MYH3: variants seen among roughly 807,000 people sequenced by gnomAD.
MYH3 encodes the protein myosin-3.
A neutral mutation model predicts 238.0 loss-of-function variants in MYH3; 130 were observed. That is an observed-to-expected ratio of 0.55 (90% CI 0.47 to 0.63). MYH3 has a LOEUF of 0.63. Among genes scored for constraint, MYH3 ranks in the 30% least tolerant of loss-of-function variants. MYH3 has a pLI of 0.00. For missense variants in MYH3, 1,853 were observed against 2,374.9 expected (o/e 0.78, Z 4.57); for synonymous variants, 880 against 924.1 (o/e 0.95, Z 0.86).
In MYH3 at chr17:10,631,833, C is replaced by T; in HGVS notation, c.5140G>A (p.Val1714Met). 1 of 1,614,148 alleles carries T rather than the reference C, an allele frequency of 6.2e-7. No individual in the cohort carries two copies. Among genetic ancestry groups the T allele is most frequent in the Non-Finnish European group, 8.5e-7 (1 of 1,180,026 alleles). The change falls in exon 35 of 41, where the codon GTG (valine) becomes ATG (methionine). Residue 1714 changes from valine (V) to methionine (M), a missense_variant. Physicochemically the swap from Val to Met is conservative, Grantham distance 21. Around this residue, in one of 3 missense-constraint regions of MYH3, gnomAD observed 1,044 missense variants for 1,192.6 expected, o/e 0.88. Coordinates refer to ENST00000583535, the MANE Select transcript of MYH3 (RefSeq NM_002470.4). Reference sequence around the variant, plus strand: ...CTCACCTGGGTATGCAGCAGCTGCACCCTCTCGTTGGAGTCCAGGAGCTCC... The same window carrying T: ...CTCACCTGGGTATGCAGCAGCTGCATCCTCTCGTTGGAGTCCAGGAGCTCC... ...EQELLDSNER[V>M]QLLHTQNTSL...
chr17:10,631,514 G>C (rs1043696086), intron 36 of MYH3, 97 bp downstream of exon 36: 19 of 1,577,686 alleles, frequency 1.2e-5, no homozygotes, highest in Admixed American at 1.7e-5. Context: ...ATGTGCACCA[G>C]GTGTGGCTGG....
intron 36 of MYH3, 151 bp from the exon 37 acceptor site, chr17:10,630,609 G>A: frequency 8.4e-7 from 1 of 1,186,416 alleles, no homozygotes; most frequent in Non-Finnish European, 1.2e-6. Flanking sequence ...CAGCACTTTG[G>A]GAGGCCAAGG....
the MYH3 span, among the ~76,000 whole-genome samples, chr17:10,670,699 T>C: frequency 7.4e-6 from 1 of 134,684 alleles, no homozygotes; most frequent in African/African-American, 2.5e-5. The surrounding 1 kb of genome is among the most constrained non-coding windows in gnomAD (Gnocchi z 7.0). Flanking sequence ...ACCACTATTA[T>C]TAATGCCTGT....
At chr17:10,643,427 G>C (rs1421308184) in intron 14 of MYH3, among the ~76,000 whole-genome samples, 1 of 151,580 alleles carries the variant, frequency 6.6e-6, no homozygotes, top group East Asian at 1.9e-4. Flanking sequence ...CCAGGCTGGA[G>C]TGCAATGGCA....
rs2074164140 is a variant in MYH3, at chr17:10,631,928, A to C, written c.5045T>G (p.Leu1682Arg). The change falls in exon 35 of 41, where the codon CTG (leucine) becomes CGG (arginine). Residue 1682 changes from leucine to arginine, a missense_variant. Transcript: ENST00000583535. ...CCGCAGCTCCTCCACCTCGGCCTGC[A>C]GCAGGTTGGCTCTGCGCTCCACAAT... Reference protein sequence around the residue: ...LAIVERRANLLQAEVEELRAT... With the variant: ...LAIVERRANLRQAEVEELRAT... 6.2e-7 allele frequency: 1 copy of C among 1,614,116 alleles called. No homozygotes were observed. The highest frequency in any genetic ancestry group is 1.3e-5 in the African/African-American group (1 of 75,040).
At chr17:10,665,312 T>C in the MYH3 span, among the ~76,000 whole-genome samples, 1 of 151,984 alleles carries the variant, frequency 6.6e-6, no homozygotes, top group African/African-American at 2.4e-5. Flanking sequence ...CCAGCTAGTT[T>C]TTGTATTTTT....
chr17:10,655,150 C>T, intron 2 of MYH3, 78 bp from the exon 3 acceptor site: 1 of 1,175,912 alleles, frequency 8.5e-7, no homozygotes, highest in Non-Finnish European at 1.3e-6. Flanking sequence ...TTTCAGCCTC[C>T]ACCCTGCCCT....
chr17:10,640,093 T>C lies in MYH3; in HGVS notation c.2585A>G (p.Asp862Gly), dbSNP rs141075437. 5.0e-6 allele frequency: 8 copies of C among 1,614,070 alleles called. No individual in the cohort carries two copies. In the African/African-American group the frequency reaches 9.3e-5, roughly 19 times the overall value. ...TTTTGCCTCCGACTTGGCGAGTTCA[T>C]CTTTGGTTTTCTGGAATTCTTCCTT... ...TMKEEFQKTK[D>G]ELAKSEAKRK... Residue 862 changes from aspartate (D) to glycine (G), a missense_variant, in exon 22 of 41, where the codon GAT becomes GGT. By Grantham distance (94) the Asp-to-Gly change is moderately conservative. Coordinates refer to ENST00000583535, the MANE Select transcript of MYH3 (RefSeq NM_002470.4).
intron 3 of MYH3, among the ~76,000 whole-genome samples, chr17:10,653,392 G>A (rs2074397467): frequency 6.6e-6 from 1 of 152,146 alleles, no homozygotes; most frequent in Admixed American, 6.6e-5. Context: ...CTCTCTGAAA[G>A]CAGCTGTCCA....
At chr17:10,628,740 A>G in intron 40 of MYH3, 61 bp from the exon 41 acceptor site, 1 of 1,579,542 alleles carries the variant, frequency 6.3e-7, no homozygotes, top group South Asian at 1.1e-5. Context: ...CCCACCCACC[A>G]CTTCTGCCGG....
intron 10 of MYH3, 138 bp downstream of exon 10, chr17:10,647,044 T>G: frequency 1.4e-6 from 1 of 722,278 alleles, no homozygotes; most frequent in Non-Finnish European, 2.4e-6. Context: ...AGTGAGACCC[T>G]ATCTCAAAAT....
chr17:10,670,264 C>T, the MYH3 span, among the ~76,000 whole-genome samples: 1 of 152,174 alleles, frequency 6.6e-6, no homozygotes, highest in Non-Finnish European at 1.5e-5. The surrounding 1 kb of genome is among the most constrained non-coding windows in gnomAD (Gnocchi z 7.0). Context: ...CTACTTTTAC[C>T]CACAACCCCT....
In MYH3 at chr17:10,637,823, A is replaced by G; in HGVS notation, c.3842T>C (p.Leu1281Ser). The G allele has an allele frequency of 6.2e-7, 1 of 1,614,120 alleles. No individual in the cohort carries two copies. Among genetic ancestry groups the G allele is most frequent in the Non-Finnish European group, 8.5e-7 (1 of 1,180,036 alleles). ...ACGTGGCTTACCAGCCTCGGTCTGC[A>G]AACGAGACTTCTGTGTGGTCAGCTC... The part of the protein sequence containing the change: ...LSELTTQKSR[L>S]QTEAGELSRQ... The change falls in exon 28 of 41, where the codon TTG becomes TCG. Residue 1281 changes from leucine (L) to serine (S), a missense_variant. Leu to Ser is a moderately radical substitution (Grantham distance 145). Around this residue, in one of 3 missense-constraint regions of MYH3, gnomAD observed 1,044 missense variants for 1,192.6 expected, o/e 0.88. Transcript: ENST00000583535.
At position 10,629,572 on chromosome 17, in the gene MYH3, G is replaced by A. The variant is rs187637244; in HGVS notation, c.5796+25C>T. The A allele has an allele frequency of 2.4e-5, 38 of 1,612,304 alleles. No homozygotes were observed. In the Middle Eastern group the frequency reaches 1.3e-3, roughly 55 times the overall value. On this transcript the variant is annotated intron_variant, in intron 40 of 40. Coordinates refer to ENST00000583535, the MANE Select transcript of MYH3 (RefSeq NM_002470.4). ...GAAGTTTCTACAGTCCCTGGGGGGG[G>A]GCTCCTCCCAGCTCAGCGACTCACC...
chr17:10,638,535 T>TA (rs2074240038), intron 26 of MYH3, 103 bp from the exon 27 acceptor site: 1 of 1,459,716 alleles, frequency 6.9e-7, no homozygotes, highest in Admixed American at 1.9e-5. Flanking sequence ...AACTGAGTCT[T>TA]AGACTCCCCT....
At chr17:10,662,269 G>A (rs551267214), upstream of MYH3, among the ~76,000 whole-genome samples, 2 of 152,118 alleles carry the variant, frequency 1.3e-5, no homozygotes, top group African/African-American at 2.4e-5. Context: ...TGATCCACCC[G>A]CCTTGGCCTC....
upstream of MYH3, among the ~76,000 whole-genome samples, chr17:10,659,562 G>C (rs1057085163): frequency 6.6e-6 from 1 of 152,198 alleles, no homozygotes; most frequent in African/African-American, 2.4e-5. Context: ...AACTTCCAGA[G>C]TGCTCCACAT....
At chr17:10,630,003 C>A (rs1322569387) in intron 38 of MYH3, 66 bp from the exon 39 acceptor site, 1 of 1,604,700 alleles carries the variant, frequency 6.2e-7, no homozygotes, top group Non-Finnish European at 8.5e-7. Context: ...GCATGGGCAG[C>A]TTTCTGGGCC....
rs570950857 is a variant in MYH3, at chr17:10,629,568, G to C, written c.5796+29C>G. ...CTAAGAAGTTTCTACAGTCCCTGGG[G>C]GGGGGCTCCTCCCAGCTCAGCGACT... On this transcript the variant is annotated intron_variant, in intron 40 of 40. Coordinates refer to ENST00000583535, the MANE Select transcript of MYH3 (RefSeq NM_002470.4). The C allele has an allele frequency of 3.8e-3, 6,156 of 1,611,944 alleles. 172 individuals carry two copies. The African/African-American group carries it at 0.069, about 18-fold the overall frequency.
Sources: gnomAD v4.1 joint callset for allele counts (sites outside exome capture counted in the v4.1 genomes callset) on GRCh38, gnomAD v4.1.1 for gene constraint, gnomAD v4.1.1 regional missense constraint, Gnocchi (gnomAD v3.1) non-coding constraint, MANE v1.5 for transcripts, NCBI Gene and HGNC (gene_info 2026-07-23, HGNC 2026-07-21) for gene names.